The following SHROOM4 variants were observed in gnomAD, a reference collection of about 807,000 sequenced individuals.
SHROOM4 encodes the protein protein Shroom4.
A neutral mutation model predicts 80.3 loss-of-function variants in SHROOM4; 17 were observed. The observed-to-expected ratio is 0.21, with a 90% CI of 0.14 to 0.32. The LOEUF is 0.32. SHROOM4 is among the 10% of genes least tolerant of loss of function. The pLI is 1.00. For missense variants in SHROOM4, 993 were observed against 1,140.3 expected (o/e 0.87, Z 1.86); for synonymous variants, 400 against 437.5 (o/e 0.91, Z 1.07).
chrX:50,603,879 G>A (rs917855106), intron 6 of SHROOM4, among the ~76,000 whole-genome samples: 4 of 111,845 alleles, frequency 3.6e-5, no homozygotes. Flanking sequence ...AATTTTGCCC[G>A]TGGTTTATGC....
chrX:50,662,574 A>C (rs1170498658), intron 2 of SHROOM4, among the ~76,000 whole-genome samples: 1 of 112,044 alleles, frequency 8.9e-6, no homozygotes, highest in African/African-American at 3.2e-5. Flanking sequence ...CAAAGCTGCA[A>C]TGATGAAACA....
chrX:50,753,471 A>G (rs782093689), intron 1 of SHROOM4, among the ~76,000 whole-genome samples: 2 of 112,061 alleles, frequency 1.8e-5, no homozygotes, highest in South Asian at 7.5e-4. Flanking sequence ...GGTTTCTAAT[A>G]CATTTCAGTA....
In SHROOM4 at chrX:50,694,543, A is replaced by ATTTTTTTTTTTTTTTTT. The variant is rs782530547; in HGVS notation, c.269+1226_269+1242dup. Among the ~76,000 whole-genome samples, 22 of 12,494 alleles carry ATTTTTTTTTTTTTTTTT rather than the reference A, an allele frequency of 1.8e-3. 5 individuals are homozygous for ATTTTTTTTTTTTTTTTT. Among genetic ancestry groups the ATTTTTTTTTTTTTTTTT allele is most frequent in the Non-Finnish European group, 2.3e-3 (18 of 7,949 alleles). 10.8% of individuals were successfully genotyped at this position (12,494 alleles called of 115,157 possible). A position where few individuals can be genotyped will look rare whatever the true frequency, so the allele number is the denominator to read the frequency against. On this transcript the variant is annotated intron_variant, in intron 2 of 8. Coordinates refer to ENST00000376020, the MANE Select transcript of SHROOM4 (RefSeq NM_020717.5). ...AGGTCTTTGCCCATTTTTAAGTTGG[A>ATTTTTTTTTTTTTTTTT]TTTTTTTTTTTTTTTTTTTTTTTTT...
chrX:50,689,879 A>G (rs1335157372), intron 2 of SHROOM4, among the ~76,000 whole-genome samples: 1 of 112,110 alleles, frequency 8.9e-6, no homozygotes, highest in African/African-American at 3.2e-5. Flanking sequence ...TTGCATCTAA[A>G]TTCACAAATT....
chrX:50,721,803 T>C (rs1188860883), intron 1 of SHROOM4, among the ~76,000 whole-genome samples: 1 of 111,786 alleles, frequency 8.9e-6, no homozygotes, highest in Non-Finnish European at 1.9e-5. Flanking sequence ...CTTTGCAGCA[T>C]CTACCCCCAT....
intron 5 of SHROOM4, among the ~76,000 whole-genome samples, chrX:50,618,307 CCT>C (rs1557251171): frequency 2.8e-3 from 1 of 358 alleles, no homozygotes; most frequent in African/African-American, 0.011. Flanking sequence ...TTCCTTCCTT[CCT>C]TCCTTCCTTC....
At chrX:50,624,574 C>G (rs1157212470) in intron 5 of SHROOM4, among the ~76,000 whole-genome samples, 2 of 110,206 alleles carry the variant, frequency 1.8e-5, no homozygotes, top group African/African-American at 6.6e-5. Context: ...TAACATTCTC[C>G]AAGTCACTGG....
intron 1 of SHROOM4, among the ~76,000 whole-genome samples, chrX:50,752,892 T>C (rs782645779): frequency 9.0e-6 from 1 of 111,719 alleles, no homozygotes; most frequent in African/African-American, 3.2e-5. Flanking sequence ...TCTCCATACT[T>C]TACATAGCTG....
intron 1 of SHROOM4, among the ~76,000 whole-genome samples, chrX:50,735,611 A>G (rs1172890398): frequency 8.9e-6 from 1 of 111,793 alleles, no homozygotes; most frequent in Non-Finnish European, 1.9e-5. Context: ...ATTAGAACTC[A>G]ATGATAAAGA....
At chrX:50,739,334 A>T (rs1336085146) in intron 1 of SHROOM4, among the ~76,000 whole-genome samples, 2 of 111,714 alleles carry the variant, frequency 1.8e-5, no homozygotes, top group African/African-American at 6.5e-5. Flanking sequence ...GACAAATGGG[A>T]TCTAATTAAA....
chrX:50,664,977 T>C (rs782474787), intron 2 of SHROOM4, among the ~76,000 whole-genome samples: 1 of 108,723 alleles, frequency 9.2e-6, no homozygotes, highest in South Asian at 4.0e-4. Flanking sequence ...TTAAACCTAT[T>C]GGGAGAAAAA....
rs181746665 is a variant in SHROOM4 at position 50,672,190 on chromosome X, T to A, written c.269+23596A>T. Among the ~76,000 whole-genome samples, 934 of 111,935 alleles carry A rather than the reference T, an allele frequency of 8.3e-3. 12 individuals are homozygous for A. Among genetic ancestry groups the A allele is most frequent in the African/African-American group, 0.028 (875 of 30,855 alleles). The stretch of plus-strand genomic sequence containing the variant: ...CAATTACAATAGTACCATCAAAAAA[T>A]CATTGATTACAGACCATCATAACAA... On this transcript the variant is annotated intron_variant, in intron 2 of 8. Coordinates refer to ENST00000376020, the MANE Select transcript of SHROOM4 (RefSeq NM_020717.5).
intron 2 of SHROOM4, among the ~76,000 whole-genome samples, chrX:50,693,640 A>G (rs1343501600): frequency 2.8e-5 from 3 of 106,769 alleles, no homozygotes; most frequent in Admixed American, 9.9e-5. Context: ...GGGTACATGT[A>G]TCATTCTGAT....
At chrX:50,655,127 T>C in intron 2 of SHROOM4, among the ~76,000 whole-genome samples, 1 of 109,652 alleles carries the variant, frequency 9.1e-6, no homozygotes, top group South Asian at 4.0e-4. Context: ...ATTTCATTCT[T>C]TTTTATGGCT....
At chrX:50,811,947 T>G (rs1201734670) in intron 1 of SHROOM4, among the ~76,000 whole-genome samples, 3 of 110,109 alleles carry the variant, frequency 2.7e-5, no homozygotes, top group African/African-American at 9.9e-5. Flanking sequence ...TCATCTACCC[T>G]CTCAAATAAT....
At chrX:50,598,730 G>T (rs1417737517) in intron 7 of SHROOM4, among the ~76,000 whole-genome samples, 195 bp from the exon 8 acceptor site, 3 of 111,890 alleles carry the variant, frequency 2.7e-5, no homozygotes, top group Non-Finnish European at 5.6e-5. Flanking sequence ...CGTCTGGTAG[G>T]GATCTCCATG....
At chrX:50,721,321 T>A (rs1934104106) in intron 1 of SHROOM4, among the ~76,000 whole-genome samples, 1 of 112,752 alleles carries the variant, frequency 8.9e-6, no homozygotes, top group Admixed American at 9.3e-5. Context: ...GAATGGCTAA[T>A]CTGTAGGCAG....
chrX:50,772,618 G>A (rs782818162), intron 1 of SHROOM4, among the ~76,000 whole-genome samples: 70 of 111,863 alleles, frequency 6.3e-4, no homozygotes, highest in African/African-American at 2.2e-3. Flanking sequence ...GAGCATAACT[G>A]TTTCTAGCTC....
intron 1 of SHROOM4, among the ~76,000 whole-genome samples, chrX:50,788,463 C>T (rs1021713388): frequency 3.6e-5 from 4 of 110,401 alleles, no homozygotes; most frequent in African/African-American, 9.9e-5. Context: ...AAAAATTAGC[C>T]GGGCGTGGTG....
Sources: allele counts gnomAD v4.1 joint callset (sites outside exome capture counted in the v4.1 genomes callset), GRCh38; gene constraint gnomAD v4.1.1; transcripts MANE v1.5; gene names NCBI Gene and HGNC (gene_info 2026-07-23, HGNC 2026-07-21).